The following LY96 variants were observed in gnomAD, a reference collection of about 807,000 sequenced individuals.
LY96 encodes the protein myeloid differentiation protein-2.
LY96 carries 18 observed loss-of-function variants against 18.9 expected under a neutral mutation model. The observed-to-expected ratio is 0.95, with a 90% CI of 0.66 to 1.41. LY96 has a LOEUF of 1.41. Ranked by LOEUF, LY96 falls within the 40% of genes most tolerant of loss-of-function variation. The probability of loss-of-function intolerance (pLI) is 0.00; values close to 1 mark genes in which losing one functional copy is unlikely to be tolerated. For missense variants in LY96, 175 were observed against 182.4 expected (o/e 0.96, Z 0.23); for synonymous variants, 66 against 62.6 (o/e 1.06, Z -0.26).
intron 3 of LY96, among the ~76,000 whole-genome samples, chr8:74,022,581 CTTT>C (rs769379029): frequency 3.0e-5 from 4 of 133,124 alleles, no homozygotes; most frequent in African/African-American, 5.7e-5. Flanking sequence ...TTCTTTTTTT[CTTT>C]TTTTTTTTTT....
At chr8:74,074,150 A>G in the LY96 span, among the ~76,000 whole-genome samples, 1 of 151,866 alleles carries the variant, frequency 6.6e-6, no homozygotes, top group East Asian at 1.9e-4. Context: ...GTCTCCTACC[A>G]CCATGTTCAG....
chr8:74,018,293 C>A (rs1816686503), intron 3 of LY96, among the ~76,000 whole-genome samples: 1 of 152,024 alleles, frequency 6.6e-6, no homozygotes, highest in Admixed American at 6.6e-5. Context: ...ATAAAACAGA[C>A]TTTAAACCAA....
chr8:74,040,127 C>T, the LY96 span, among the ~76,000 whole-genome samples: 414 of 152,256 alleles, frequency 2.7e-3, 1 homozygote, highest in African/African-American at 8.6e-3. Flanking sequence ...ACCCTATACC[C>T]GCCAGTTATT....
At chr8:74,088,464 C>G in the LY96 span, among the ~76,000 whole-genome samples, 2 of 152,172 alleles carry the variant, frequency 1.3e-5, no homozygotes, top group Non-Finnish European at 2.9e-5. Flanking sequence ...TCTGCTCCCT[C>G]CTTTGCACCA....
At chr8:74,035,215 G>A in the LY96 span, among the ~76,000 whole-genome samples, 13 of 151,978 alleles carry the variant, frequency 8.6e-5, no homozygotes, top group Admixed American at 7.9e-4. Context: ...GGCTTTTTAT[G>A]TAAAAACTTT....
At chr8:74,041,692 A>G in the LY96 span, among the ~76,000 whole-genome samples, 1 of 152,058 alleles carries the variant, frequency 6.6e-6, no homozygotes, top group Admixed American at 6.6e-5. Context: ...CCTCAGGCTT[A>G]TTAGGGTGGG....
intron 3 of LY96, among the ~76,000 whole-genome samples, chr8:74,011,352 G>A (rs1379426960): frequency 6.6e-6 from 1 of 152,106 alleles, no homozygotes; most frequent in Non-Finnish European, 1.5e-5. Context: ...GATCTCAAAA[G>A]CACAGGCAAT....
At chr8:74,054,920 T>A in the LY96 span, among the ~76,000 whole-genome samples, 2 of 151,982 alleles carry the variant, frequency 1.3e-5, no homozygotes, top group Non-Finnish European at 2.9e-5. Flanking sequence ...TTATAAAAAA[T>A]TTTTGATGCA....
chr8:74,060,577 T>C, the LY96 span, among the ~76,000 whole-genome samples: 3 of 152,242 alleles, frequency 2.0e-5, no homozygotes, highest in African/African-American at 4.8e-5. Flanking sequence ...AGGTGTTCGA[T>C]AAATATATGT....
chr8:74,088,183 A>C, the LY96 span, among the ~76,000 whole-genome samples: 1 of 149,986 alleles, frequency 6.7e-6, no homozygotes, highest in Non-Finnish European at 1.5e-5. Context: ...TTGCTTAACC[A>C]CATCTTACTA....
At position 73,991,602 on chromosome 8, in the gene LY96, G is replaced by A. The variant is rs769712360; in HGVS notation, c.112+48G>A. 9 of 1,141,422 alleles carry A rather than the reference G, an allele frequency of 7.9e-6. No individual in the cohort carries two copies. The South Asian group carries it at 1.1e-4, about 14-fold the overall frequency. The allele number at this position is 1,141,422 out of a possible 1,614,324, so 70.7% of individuals were successfully genotyped here. A position where few individuals can be genotyped will look rare whatever the true frequency, so the allele number is the denominator to read the frequency against. ...TAATTGTAGCATCAACTATTTTGAG[G>A]GTAAGTTTTCACGAGAACCGTACAC... On this transcript the variant is annotated intron_variant, in intron 1 of 4. Coordinates refer to ENST00000284818, the MANE Select transcript of LY96 (RefSeq NM_015364.5).
the LY96 span, among the ~76,000 whole-genome samples, chr8:74,070,454 G>A: frequency 2.6e-5 from 4 of 152,212 alleles, no homozygotes; most frequent in Non-Finnish European, 1.5e-5. Flanking sequence ...TGACAAATGA[G>A]TCTCCCCTAC....
chr8:74,022,232 A>G (rs1440849472), intron 3 of LY96, among the ~76,000 whole-genome samples: 1 of 152,106 alleles, frequency 6.6e-6, no homozygotes, highest in Non-Finnish European at 1.5e-5. Context: ...ACATGGTGAA[A>G]CCCAGTCTGT....
At chr8:74,018,431 T>C (rs1816689935) in intron 3 of LY96, among the ~76,000 whole-genome samples, 1 of 152,066 alleles carries the variant, frequency 6.6e-6, no homozygotes, top group Admixed American at 6.6e-5. Context: ...AGCAAGTCCT[T>C]AGAGACCTAC....
chr8:74,031,234 ACTTGGAGACTATTT>A (rs113122670), downstream of LY96, among the ~76,000 whole-genome samples: 8,487 of 151,934 alleles, frequency 0.056, 759 homozygotes, highest in African/African-American at 0.19. Flanking sequence ...GGTCTTTTCC[ACTTGGAGACTATTT>A]CTCTTTCTTT....
chr8:73,998,290 C>A (rs534330716), intron 1 of LY96, among the ~76,000 whole-genome samples: 4 of 152,242 alleles, frequency 2.6e-5, no homozygotes, highest in Non-Finnish European at 4.4e-5. Context: ...GTGCCATAAA[C>A]TGGGGCAGAG....
the LY96 span, among the ~76,000 whole-genome samples, chr8:74,045,904 C>T: frequency 2.8e-4 from 43 of 152,102 alleles, no homozygotes; most frequent in African/African-American, 1.0e-3. Flanking sequence ...AGCCAGCTGA[C>T]CTAGTCTATA....
intron 3 of LY96, among the ~76,000 whole-genome samples, chr8:74,020,583 T>G (rs952406556): frequency 3.9e-5 from 6 of 152,172 alleles, no homozygotes; most frequent in African/African-American, 1.4e-4. Flanking sequence ...AAAGTTCATC[T>G]GGAACCAAAA....
chr8:74,067,832 A>G, the LY96 span, among the ~76,000 whole-genome samples: 1 of 152,060 alleles, frequency 6.6e-6, no homozygotes, highest in African/African-American at 2.4e-5. Context: ...AAGCTGAGGC[A>G]GACTGATCAC....
Sources: gnomAD v4.1 joint callset for allele counts (sites outside exome capture counted in the v4.1 genomes callset) on GRCh38, gnomAD v4.1.1 for gene constraint, MANE v1.5 for transcripts, NCBI Gene and HGNC (gene_info 2026-07-23, HGNC 2026-07-21) for gene names.